Variants in RTTN observed in about 807,000 individuals in gnomAD.
The protein encoded by RTTN is rotatin.
RTTN carries 182 observed loss-of-function variants against 269.2 expected under a neutral mutation model. That is an observed-to-expected ratio of 0.68 (90% confidence interval 0.60 to 0.76). RTTN has a LOEUF of 0.76. Among genes scored for constraint, RTTN ranks in the 30% least tolerant of loss-of-function variants. The probability of loss-of-function intolerance (pLI) is 0.00; values close to 1 mark genes in which losing one functional copy is unlikely to be tolerated. For synonymous variants in RTTN, 1,006 were observed against 963.5 expected, an observed-to-expected ratio of 1.04 and a Z score of -0.82; for missense variants, 2,545 against 2,608.6, an observed-to-expected ratio of 0.98 and a Z score of 0.53.
intron 40 of RTTN, among the ~76,000 whole-genome samples, chr18:70,041,997 T>A (rs1404528504): frequency 6.6e-6 from 1 of 151,996 alleles, no homozygotes; most frequent in East Asian, 1.9e-4. Flanking sequence ...TCAATCTGCT[T>A]TGAGTTTCCC....
intron 28 of RTTN, among the ~76,000 whole-genome samples, chr18:70,107,290 G>A (rs1234227675): frequency 1.3e-5 from 2 of 152,220 alleles, no homozygotes; most frequent in African/African-American, 2.4e-5. Flanking sequence ...TGAAGTAAGT[G>A]AGAATCAATC....
intron 33 of RTTN, among the ~76,000 whole-genome samples, chr18:70,074,234 G>A (rs1454434542): frequency 6.6e-6 from 1 of 151,794 alleles, no homozygotes; most frequent in African/African-American, 2.4e-5. Context: ...CAGCCCCAGA[G>A]GCTCCAATAC....
intron 42 of RTTN, among the ~76,000 whole-genome samples, chr18:70,029,423 AC>A (rs2056949422): frequency 6.6e-6 from 1 of 152,162 alleles, no homozygotes. Context: ...TTTTCAGTTT[AC>A]CTGAGCATGC....
chr18:70,192,669 CAAAAAAAAA>C (rs11313917), intron 8 of RTTN, among the ~76,000 whole-genome samples: 2 of 89,884 alleles, frequency 2.2e-5, no homozygotes, highest in African/African-American at 8.7e-5. Flanking sequence ...GACCTTGTCT[CAAAAAAAAA>C]AAAAAAAAAA....
intron 17 of RTTN, among the ~76,000 whole-genome samples, chr18:70,148,191 TC>T (rs1479137420): frequency 2.6e-5 from 4 of 152,174 alleles, no homozygotes; most frequent in Non-Finnish European, 5.9e-5. Flanking sequence ...TGTCCATTCT[TC>T]CTAGCCTTTT....
chr18:70,170,990 T>C (rs1005779777), intron 11 of RTTN, among the ~76,000 whole-genome samples: 14 of 151,654 alleles, frequency 9.2e-5, no homozygotes, highest in Non-Finnish European at 1.6e-4. Flanking sequence ...GGCAAGACTA[T>C]AGGAAGAACA....
At chr18:70,187,777 C>A (rs1189759445) in intron 10 of RTTN, among the ~76,000 whole-genome samples, 1 of 152,070 alleles carries the variant, frequency 6.6e-6, no homozygotes, top group Non-Finnish European at 1.5e-5. Flanking sequence ...ATAAGAAATA[C>A]AAATTTAAAA....
Position 70,024,799 on chromosome 18 carries a change from G to T in RTTN, c.5873C>A (p.Pro1958His). ...HLVPVLHSLWPWILMDDSLMQ... is the reference protein window; with the variant it reads ...HLVPVLHSLWHWILMDDSLMQ... ...CAATGAATCATCCATCAAAATCCAAGGCCAGAGAGAGTGCAAGACAGGGAC... is the reference window on the plus strand; with the variant it reads ...CAATGAATCATCCATCAAAATCCAATGCCAGAGAGAGTGCAAGACAGGGAC... Residue 1958 changes from proline (P) to histidine (H), a missense_variant, in exon 44 of 49, where the codon CCT becomes CAT. Pro to His is a moderately conservative substitution (Grantham distance 77, BLOSUM62 -2). Coordinates refer to ENST00000640769, the MANE Select transcript of RTTN (RefSeq NM_173630.4). 2 of 1,614,040 alleles carry T rather than the reference G, an allele frequency of 1.2e-6. No homozygotes were observed. Among genetic ancestry groups the T allele is most frequent in the East Asian group, 2.2e-5 (1 of 44,880 alleles).
chr18:70,003,049 T>TTC lies in RTTN; in HGVS notation c.*1101_*1102insGA, dbSNP rs2056087276. 6.7e-6 allele frequency: 1 copy of TTC among 149,514 alleles called. No individual in the cohort carries two copies. The highest frequency in any genetic ancestry group is 2.5e-5 in the African/African-American group (1 of 40,174). The allele number at this position is 149,514 out of a possible 1,614,324, so 9.3% of individuals were successfully genotyped here. ...TCCTGCATTTTTTTTTTTTTTTTTT[T>TTC]TTTTTGAGACAGAGTCTTGCTTTGT... On this transcript the variant is annotated 3_prime_UTR_variant, in exon 49 of 49. Transcript: ENST00000640769.
intron 44 of RTTN, among the ~76,000 whole-genome samples, chr18:70,024,129 A>G (rs2056784385): frequency 1.3e-5 from 2 of 152,270 alleles, no homozygotes; most frequent in African/African-American, 4.8e-5. Context: ...ACCAGCTTAC[A>G]ACTGCCAATG....
chr18:70,189,216 A>G (rs2146083331), intron 9 of RTTN, among the ~76,000 whole-genome samples: 1 of 152,342 alleles, frequency 6.6e-6, no homozygotes, highest in East Asian at 1.9e-4. Flanking sequence ...TTCATTTCAC[A>G]TTATTAGTAT....
intron 40 of RTTN, among the ~76,000 whole-genome samples, chr18:70,044,370 AT>A (rs1218484268): frequency 6.6e-6 from 1 of 152,228 alleles, no homozygotes; most frequent in Admixed American, 6.5e-5. Context: ...TAATATATCA[AT>A]TATAGACAAA....
In RTTN at chr18:70,149,953, G is replaced by A. The variant is rs1411374858; in HGVS notation, c.2172+18C>T. On this transcript the variant is annotated intron_variant, in intron 16 of 48. Coordinates refer to ENST00000640769, the MANE Select transcript of RTTN (RefSeq NM_173630.4). ...CCAAAGATAAATGGTATCATAAAAA[G>A]TGAATTTCACAGAATACCTGTAGTA... 1 of 1,507,020 alleles carries A rather than the reference G, an allele frequency of 6.6e-7. No homozygotes were observed. The highest frequency in any genetic ancestry group is 9.2e-7 in the Non-Finnish European group (1 of 1,083,296). The allele number at this position is 1,507,020 out of a possible 1,614,324, so 93.4% of individuals were successfully genotyped here.
At chr18:70,202,171 C>T (rs1281821654) in intron 3 of RTTN, among the ~76,000 whole-genome samples, 188 bp from the exon 4 acceptor site, 1 of 152,156 alleles carries the variant, frequency 6.6e-6, no homozygotes, top group African/African-American at 2.4e-5. Context: ...GAGCCCACTT[C>T]CAGTTAAGAA....
At chr18:70,136,415 A>G (rs1054485706) in intron 21 of RTTN, among the ~76,000 whole-genome samples, 1 of 44,464 alleles carries the variant, frequency 2.2e-5, no homozygotes, top group South Asian at 1.4e-3. Context: ...GGTTAAAAAT[A>G]TAATAATAAA....
intron 14 of RTTN, among the ~76,000 whole-genome samples, chr18:70,157,431 A>C (rs1363688671): frequency 6.6e-6 from 1 of 152,150 alleles, no homozygotes; most frequent in Admixed American, 6.5e-5. Context: ...TAAAATCCTC[A>C]ATGGCATCAA....
chr18:70,157,929 T>G (rs947679147), intron 14 of RTTN, among the ~76,000 whole-genome samples: 3 of 150,942 alleles, frequency 2.0e-5, no homozygotes, highest in African/African-American at 7.3e-5. Flanking sequence ...AAAAAAAAAC[T>G]TCAAGAAATA....
At chr18:70,018,075 G>A (rs900441670) in intron 45 of RTTN, among the ~76,000 whole-genome samples, 1 of 152,164 alleles carries the variant, frequency 6.6e-6, no homozygotes, top group Admixed American at 6.5e-5. Context: ...TTGAATACTA[G>A]TTAACAACTC....
At chr18:70,127,848 C>T in intron 24 of RTTN, 107 bp from the exon 25 acceptor site, 1 of 1,054,602 alleles carries the variant, frequency 9.5e-7, no homozygotes, top group Non-Finnish European at 1.3e-6. Flanking sequence ...TCTTCATTTT[C>T]TTTTAACAAA....
Sources: allele counts gnomAD v4.1 joint callset (sites outside exome capture counted in the v4.1 genomes callset), GRCh38; gene constraint gnomAD v4.1.1; transcripts MANE v1.5; gene names NCBI Gene and HGNC (gene_info 2026-07-23, HGNC 2026-07-21).